Variants in FGF2 observed in about 807,000 individuals in gnomAD.
FGF2 encodes fibroblast growth factor 2.
A neutral mutation model predicts 15.9 loss-of-function variants in FGF2; 13 were observed. The ratio of observed to expected loss-of-function variants is 0.82; its 90% CI spans 0.53 to 1.30. The LOEUF (loss-of-function observed/expected upper bound fraction) is 1.30. FGF2 is among the 50% of genes most tolerant of loss of function. FGF2 has a pLI of 0.00. For missense variants in FGF2, 163 were observed against 196.9 expected, an observed-to-expected ratio of 0.83 and a Z score of 1.03; for synonymous variants, 90 against 78.4, an observed-to-expected ratio of 1.15 and a Z score of -0.78.
At chr4:122,828,906 A>G (rs1725704745) in intron 1 of FGF2, among the ~76,000 whole-genome samples, 1 of 152,230 alleles carries the variant, frequency 6.6e-6, no homozygotes, top group South Asian at 2.1e-4. Context: ...ATCTCAGCTG[A>G]CAAGGGCAAG....
rs545915939 is a variant in FGF2 at position 122,897,773 on chromosome 4, G to A, written c.*5377G>A. Reference sequence around the variant, plus strand: ...AATCCACCTATAATTGGTCAAAGTGGTTGAGAATATATTTTTTAGTAATTG... The same window carrying A: ...AATCCACCTATAATTGGTCAAAGTGATTGAGAATATATTTTTTAGTAATTG... On this transcript the variant is annotated 3_prime_UTR_variant, in exon 3 of 3. Transcript: ENST00000644866. 15 of 846,868 alleles carry A rather than the reference G, an allele frequency of 1.8e-5. 1 individual carries two copies. In the South Asian group the frequency reaches 2.3e-4, roughly 13 times the overall value. 52.5% of individuals were successfully genotyped at this position (846,868 alleles called of 1,614,324 possible). A position where few individuals can be genotyped will look rare whatever the true frequency, so the allele number is the denominator to read the frequency against.
At chr4:122,857,675 A>G (rs936219192) in intron 1 of FGF2, among the ~76,000 whole-genome samples, 1 of 152,252 alleles carries the variant, frequency 6.6e-6, no homozygotes, top group Non-Finnish European at 1.5e-5. Context: ...AAGCCAGTAC[A>G]TAAGATATTG....
chr4:122,852,816 T>G (rs1726264056), intron 1 of FGF2, among the ~76,000 whole-genome samples: 1 of 152,232 alleles, frequency 6.6e-6, no homozygotes. Flanking sequence ...TCCACATCTT[T>G]ATTATCTTAC....
At chr4:122,865,438 A>G (rs1726554895) in intron 1 of FGF2, among the ~76,000 whole-genome samples, 1 of 152,128 alleles carries the variant, frequency 6.6e-6, no homozygotes, top group African/African-American at 2.4e-5. Context: ...TTACAGGCGC[A>G]TGCCACCATG....
intron 2 of FGF2, among the ~76,000 whole-genome samples, chr4:122,878,054 G>C (rs1726892545): frequency 6.6e-6 from 1 of 152,130 alleles, no homozygotes; most frequent in Non-Finnish European, 1.5e-5. Flanking sequence ...CAGATGCTAT[G>C]GTAGGCATTG....
intron 1 of FGF2, among the ~76,000 whole-genome samples, chr4:122,866,108 G>A (rs1051923339): frequency 1.3e-5 from 2 of 152,226 alleles, no homozygotes; most frequent in African/African-American, 4.8e-5. Context: ...GGTGGCTCAT[G>A]CCTGTAATCC....
intron 2 of FGF2, among the ~76,000 whole-genome samples, chr4:122,886,005 A>G (rs74476488): frequency 0.02 from 2,895 of 143,430 alleles, 100 homozygotes; most frequent in African/African-American, 0.071. Context: ...CACAATCTTG[A>G]ATTCTTGGGC....
At chr4:122,880,315 C>T (rs550472152) in intron 2 of FGF2, among the ~76,000 whole-genome samples, 1 of 148,004 alleles carries the variant, frequency 6.8e-6, no homozygotes, top group South Asian at 2.2e-4. Context: ...GGCATGATCT[C>T]GGCTCACTGC....
chr4:122,849,081 C>T (rs956143702), intron 1 of FGF2, among the ~76,000 whole-genome samples: 1 of 152,194 alleles, frequency 6.6e-6, no homozygotes, highest in Non-Finnish European at 1.5e-5. Flanking sequence ...TGCTTCTCCA[C>T]TTTGAAGCTA....
chr4:122,848,614 C>T (rs761592003), intron 1 of FGF2, among the ~76,000 whole-genome samples: 1 of 152,140 alleles, frequency 6.6e-6, no homozygotes, highest in Non-Finnish European at 1.5e-5. Context: ...GAGCCTGTTT[C>T]TGAGGATATG....
At chr4:122,857,404 T>C (rs151081860) in intron 1 of FGF2, among the ~76,000 whole-genome samples, 14 of 152,336 alleles carry the variant, frequency 9.2e-5, no homozygotes, top group Non-Finnish European at 1.6e-4. Flanking sequence ...TCTTTGCCCC[T>C]GTATTGCGCC....
At chr4:122,863,681 T>A (rs1374660042) in intron 1 of FGF2, among the ~76,000 whole-genome samples, 1 of 152,246 alleles carries the variant, frequency 6.6e-6, no homozygotes, top group Non-Finnish European at 1.5e-5. Flanking sequence ...AACTCCAGTA[T>A]GACACCAATC....
intron 1 of FGF2, among the ~76,000 whole-genome samples, chr4:122,847,418 G>A (rs759081484): frequency 2.6e-5 from 4 of 152,114 alleles, no homozygotes; most frequent in Admixed American, 2.6e-4. Flanking sequence ...ACTGGGTTTG[G>A]TCTATGAGCA....
Position 122,892,825 on chromosome 4 carries a change from A to G in FGF2, c.*429A>G. On this transcript the variant is annotated 3_prime_UTR_variant, in exon 3 of 3. Coordinates refer to ENST00000644866, the MANE Select transcript of FGF2 (RefSeq NM_001361665.2). ...ACATGTTTCTAAACATATAAATGTG[A>G]ATTTAATCAATTCCTTTCATAGTTT... is the stretch of plus-strand genomic sequence containing the variant. 6.3e-7 allele frequency: 1 copy of G among 1,586,792 alleles called. No individual in the cohort carries two copies. The highest frequency in any genetic ancestry group is 8.6e-7 in the Non-Finnish European group (1 of 1,163,034).
At chr4:122,874,222 T>G (rs1726793788) in intron 1 of FGF2, among the ~76,000 whole-genome samples, 2 of 152,242 alleles carry the variant, frequency 1.3e-5, no homozygotes, top group Admixed American at 1.3e-4. Context: ...TGCAATAATT[T>G]GCTTATACTC....
intron 2 of FGF2, among the ~76,000 whole-genome samples, chr4:122,891,979 T>A (rs1415853530): frequency 6.6e-6 from 1 of 152,198 alleles, no homozygotes; most frequent in African/African-American, 2.4e-5. Context: ...TGAAGAGACA[T>A]ACTTGATGCT....
intron 1 of FGF2, among the ~76,000 whole-genome samples, chr4:122,872,408 C>A (rs187820768): frequency 2.6e-5 from 4 of 152,134 alleles, no homozygotes; most frequent in African/African-American, 9.6e-5. Flanking sequence ...ATTGGAGTAC[C>A]AGAAGAAGAC....
rs1726465544 is a variant in FGF2, at chr4:122,861,505, C to T, written c.179-14816C>T. On this transcript the variant is annotated intron_variant, in intron 1 of 2. Coordinates refer to ENST00000644866, the MANE Select transcript of FGF2 (RefSeq NM_001361665.2). ...TCCCTTCTTCTCTCCTTCCTTTTTG[C>T]CCTCTTTTTACCTCCCTCCCTTCCT... is the stretch of plus-strand genomic sequence containing the variant. 3.3e-5 allele frequency among the ~76,000 whole-genome samples: 5 copies of T among 151,964 alleles called. No homozygotes were observed. The South Asian group carries it at 1.0e-3, about 32-fold the overall frequency.
chr4:122,862,471 T>C (rs945308735), intron 1 of FGF2, among the ~76,000 whole-genome samples: 6 of 152,218 alleles, frequency 3.9e-5, no homozygotes, highest in African/African-American at 2.4e-5. Flanking sequence ...TAATTTGGCT[T>C]TTTGGTCCTA....
Sources: allele counts gnomAD v4.1 joint callset (sites outside exome capture counted in the v4.1 genomes callset), GRCh38; gene constraint gnomAD v4.1.1; transcripts MANE v1.5; gene names NCBI Gene and HGNC (gene_info 2026-07-23, HGNC 2026-07-21).